The following SNTG2 variants were observed in gnomAD, a reference collection of about 807,000 sequenced individuals.
SNTG2 encodes the protein gamma-2-syntrophin.
Under a neutral mutation model 70.9 loss-of-function variants are expected in SNTG2, and 74 were observed. The ratio of observed to expected loss-of-function variants is 1.04; its 90% CI spans 0.86 to 1.27. The LOEUF is 1.27. Ranked by LOEUF, SNTG2 falls within the 50% of genes most tolerant of loss-of-function variation. The pLI, the probability that SNTG2 is intolerant of heterozygous loss-of-function variation, is 0.00. For synonymous variants in SNTG2, 278 were observed against 273.8 expected (o/e 1.02, Z -0.15); for missense variants, 717 against 690.7 (o/e 1.04, Z -0.43).
rs151014716 is a variant in SNTG2 at position 1,211,354 on chromosome 2, C to T, written c.719+2124C>T. Among the ~76,000 whole-genome samples the T allele has an allele frequency of 3.7e-4, 57 of 152,298 alleles. 1 individual carries two copies. Among genetic ancestry groups the T allele is most frequent in the African/African-American group, 1.3e-3 (52 of 41,558 alleles). ...TAGAGCCACTGAACTTCATTACACACTTCCTAGCCCATCTGCCATTGAATG... is the reference window on the plus strand; with the variant it reads ...TAGAGCCACTGAACTTCATTACACATTTCCTAGCCCATCTGCCATTGAATG... On this transcript the variant is annotated intron_variant, in intron 9 of 16. Coordinates refer to ENST00000308624, the MANE Select transcript of SNTG2 (RefSeq NM_018968.4).
chr2:1,206,484 A>G (rs1673641403), intron 8 of SNTG2, among the ~76,000 whole-genome samples: 1 of 152,216 alleles, frequency 6.6e-6, no homozygotes, highest in South Asian at 2.1e-4. Flanking sequence ...CTTGGCCCTC[A>G]GTAGATGGGA....
chr2:1,095,462 C>T (rs533611263), intron 2 of SNTG2, among the ~76,000 whole-genome samples: 1 of 152,318 alleles, frequency 6.6e-6, no homozygotes, highest in South Asian at 2.1e-4. Flanking sequence ...TCATAGAGAA[C>T]AAGCCCTTCA....
intron 12 of SNTG2, among the ~76,000 whole-genome samples, chr2:1,252,873 A>G (rs1216379616): frequency 6.6e-6 from 1 of 152,218 alleles, no homozygotes; most frequent in Non-Finnish European, 1.5e-5. Flanking sequence ...ATCAATACAC[A>G]CAATATGGTG....
Position 1,211,284 on chromosome 2 carries a change from C to A in SNTG2, c.719+2054C>A, listed in dbSNP as rs1674022939. ...AAGAGGGAAATAGTGCATGAAATGACATTTGTCTATTAGCGTATTTGAATT... is the reference window on the plus strand; with the variant it reads ...AAGAGGGAAATAGTGCATGAAATGAAATTTGTCTATTAGCGTATTTGAATT... On this transcript the variant is annotated intron_variant, in intron 9 of 16. Transcript: ENST00000308624. Among the ~76,000 whole-genome samples the A allele has an allele frequency of 2.6e-5, 4 of 152,146 alleles. No homozygotes were observed. The South Asian group carries it at 8.3e-4, about 32-fold the overall frequency.
intron 9 of SNTG2, among the ~76,000 whole-genome samples, chr2:1,225,748 C>T (rs780222290): frequency 9.2e-5 from 14 of 152,206 alleles, no homozygotes; most frequent in South Asian, 2.1e-4. Flanking sequence ...CAGAGACGTT[C>T]GTTCCCAGGG....
chr2:1,078,298 C>T (rs530854862), intron 1 of SNTG2, among the ~76,000 whole-genome samples: 1 of 152,220 alleles, frequency 6.6e-6, no homozygotes, highest in Admixed American at 6.5e-5. Flanking sequence ...CTGAGAAGTT[C>T]TAGGGAGAAA....
intron 1 of SNTG2, among the ~76,000 whole-genome samples, chr2:990,998 C>A (rs974797352): frequency 2.0e-5 from 3 of 152,022 alleles, no homozygotes; most frequent in South Asian, 2.1e-4. Flanking sequence ...AATTTACTGA[C>A]CTTTCTTTCA....
chr2:1,012,151 A>G (rs944856494), intron 1 of SNTG2, among the ~76,000 whole-genome samples: 4 of 152,206 alleles, frequency 2.6e-5, no homozygotes, highest in Admixed American at 2.6e-4. Flanking sequence ...AATACGAGCA[A>G]CGATCACAGT....
chr2:1,016,382 C>G (rs1050930216), intron 1 of SNTG2, among the ~76,000 whole-genome samples: 1 of 152,208 alleles, frequency 6.6e-6, no homozygotes, highest in Non-Finnish European at 1.5e-5. Flanking sequence ...GCTGAGATTA[C>G]AGGCGCATGC....
intron 10 of SNTG2, 131 bp from the exon 11 acceptor site, chr2:1,239,607 G>C: frequency 1.1e-6 from 1 of 889,600 alleles, no homozygotes; most frequent in Non-Finnish European, 1.8e-6. Flanking sequence ...TAGGTCTTCA[G>C]ATAGGAAATA....
chr2:1,156,498 C>G (rs1204351929), intron 6 of SNTG2, among the ~76,000 whole-genome samples: 1 of 152,164 alleles, frequency 6.6e-6, no homozygotes, highest in African/African-American at 2.4e-5. Flanking sequence ...TGAGGCGTGT[C>G]CTGCCCTGCG....
At chr2:1,069,715 C>T (rs1335280075) in intron 1 of SNTG2, among the ~76,000 whole-genome samples, 1 of 152,064 alleles carries the variant, frequency 6.6e-6, no homozygotes, top group Non-Finnish European at 1.5e-5. Context: ...CGCTTGAACC[C>T]AGGAGGCAGA....
At chr2:1,061,584 T>A (rs932814862) in intron 1 of SNTG2, among the ~76,000 whole-genome samples, 31 of 152,206 alleles carry the variant, frequency 2.0e-4, no homozygotes, top group African/African-American at 7.5e-4. Flanking sequence ...CAGCTGTCAA[T>A]CATCTGGCCC....
chr2:1,043,729 G>A (rs1661572268), intron 1 of SNTG2, among the ~76,000 whole-genome samples: 1 of 152,090 alleles, frequency 6.6e-6, no homozygotes, highest in Admixed American at 6.6e-5. Context: ...TTATAGGTAG[G>A]TGGCTTTATT....
At chr2:1,142,542 G>A (rs1192744922) in intron 6 of SNTG2, among the ~76,000 whole-genome samples, 4 of 152,190 alleles carry the variant, frequency 2.6e-5, no homozygotes, top group Non-Finnish European at 5.9e-5. Context: ...CAGCAAGGGA[G>A]CAGGTATGGG....
At chr2:1,074,689 T>C (rs1021341227) in intron 1 of SNTG2, among the ~76,000 whole-genome samples, 2 of 152,330 alleles carry the variant, frequency 1.3e-5, no homozygotes, top group East Asian at 3.9e-4. Context: ...TTATACACCT[T>C]ATAACTTTTT....
At chr2:968,142 G>GTT (rs11435968) in intron 1 of SNTG2, among the ~76,000 whole-genome samples, 110 of 151,258 alleles carry the variant, frequency 7.3e-4, no homozygotes, top group African/African-American at 1.6e-3. Flanking sequence ...TATTTCAAGC[G>GTT]TTTTTTTTTA....
chr2:1,223,262 T>C (rs866836919), intron 9 of SNTG2, among the ~76,000 whole-genome samples: 21 of 95,758 alleles, frequency 2.2e-4, no homozygotes, highest in South Asian at 7.7e-4. Flanking sequence ...AGGAAAGTGG[T>C]GCAGTGATGG....
chr2:1,340,063 G>A (rs1370079114), intron 16 of SNTG2, among the ~76,000 whole-genome samples: 4 of 152,224 alleles, frequency 2.6e-5, no homozygotes, highest in East Asian at 1.9e-4. Flanking sequence ...CGAGGCACTC[G>A]CCTCCCTCTC....
Sources: allele counts gnomAD v4.1 joint callset (sites outside exome capture counted in the v4.1 genomes callset), GRCh38; gene constraint gnomAD v4.1.1; transcripts MANE v1.5; gene names NCBI Gene and HGNC (gene_info 2026-07-23, HGNC 2026-07-21).